Variants in SLC38A10 observed in about 807,000 individuals in gnomAD.
The protein encoded by SLC38A10 is Sodium-coupled neutral amino acid transporter 10.
In SLC38A10, 53 loss-of-function variants were observed where a neutral mutation model predicts 81.0. The ratio of observed to expected loss-of-function variants is 0.65; its 90% CI spans 0.53 to 0.82. The LOEUF (loss-of-function observed/expected upper bound fraction) is 0.82, where lower values mean the gene tolerates loss of function less well. SLC38A10 is among the 40% of genes least tolerant of loss of function. The pLI, the probability that SLC38A10 is intolerant of heterozygous loss-of-function variation, is 0.00. For synonymous variants in SLC38A10, 665 were observed against 655.3 expected (o/e 1.01, Z -0.23); for missense variants, 1,471 against 1,545.0 (o/e 0.95, Z 0.80).
rs907197185 is a variant in SLC38A10, at chr17:81,288,514, C to T, written c.217+1177G>A. 4.6e-5 allele frequency among the ~76,000 whole-genome samples: 7 copies of T among 152,160 alleles called. No homozygotes were observed. Among genetic ancestry groups the T allele is most frequent in the East Asian group, 3.9e-4 (2 of 5,192 alleles). The stretch of plus-strand genomic sequence containing the variant: ...AATGGAACGTGGAGCCGAGAGGTGC[C>T]GAGCCTGTGGCGGGCAGGGAGACAG... On this transcript the variant is annotated intron_variant, in intron 2 of 15. Coordinates refer to ENST00000374759, the MANE Select transcript of SLC38A10 (RefSeq NM_001037984.3). This position sits in a 1 kb window ranked among gnomAD's most constrained non-coding sequence, Gnocchi z 5.4.
At chr17:81,266,178 G>A (rs769516875) in intron 10 of SLC38A10, among the ~76,000 whole-genome samples, 7 of 152,224 alleles carry the variant, frequency 4.6e-5, no homozygotes, top group East Asian at 1.9e-4. Flanking sequence ...AGGAGGAAGC[G>A]CTGCAGCAAT....
chr17:81,294,431 G>A (rs1372735053), intron 1 of SLC38A10, among the ~76,000 whole-genome samples: 3 of 152,218 alleles, frequency 2.0e-5, no homozygotes, highest in Non-Finnish European at 4.4e-5. Context: ...CGAAGCCTGG[G>A]AGTGGTGAGT....
Position 81,280,700 on chromosome 17 carries a change from T to G in SLC38A10, c.535A>C (p.Ser179Arg). Residue 179 changes from serine to arginine, a missense_variant, in exon 6 of 16, where the codon AGT becomes CGT. By Grantham distance (110) the Ser-to-Arg change is moderately radical. Around this residue, in one of 2 missense-constraint regions of SLC38A10, gnomAD observed 720 missense variants for 827.7 expected, o/e 0.87. Coordinates refer to ENST00000374759, the MANE Select transcript of SLC38A10 (RefSeq NM_001037984.3). ...VLSSLKHGLFSGQWLRRVSYV... is the reference protein window; with the variant it reads ...VLSSLKHGLFRGQWLRRVSYV... ...CTGACCCGCCGCAGCCACTGCCCACTGAAGAGGCCGTGCTTGAGAGAGGAG... is the reference window on the plus strand; with the variant it reads ...CTGACCCGCCGCAGCCACTGCCCACGGAAGAGGCCGTGCTTGAGAGAGGAG... 1 of 1,613,622 alleles carries G rather than the reference T, an allele frequency of 6.2e-7. No individual in the cohort carries two copies. Among genetic ancestry groups the G allele is most frequent in the Non-Finnish European group, 8.5e-7 (1 of 1,179,942 alleles).
rs1015645023 is a variant in SLC38A10 at position 81,286,989 on chromosome 17, T to G, written c.218-2094A>C. 2.0e-5 allele frequency among the ~76,000 whole-genome samples: 3 copies of G among 152,308 alleles called. No homozygotes were observed. In the South Asian group the frequency reaches 6.2e-4, roughly 32 times the overall value. ...CAGCTGAAGGAGGCTGAATGACTGA[T>G]GTATCTGTGTGTCTTCTGAAGAGGG... On this transcript the variant is annotated intron_variant, in intron 2 of 15. Transcript: ENST00000374759. This position sits in a 1 kb window ranked among gnomAD's most constrained non-coding sequence, Gnocchi z 6.0.
At chr17:81,267,885 CAGACA>C (rs1185882731) in intron 10 of SLC38A10, among the ~76,000 whole-genome samples, 4 of 151,656 alleles carry the variant, frequency 2.6e-5, no homozygotes, top group Non-Finnish European at 5.9e-5. Flanking sequence ...TGGGACTAAG[CAGACA>C]AGACAAGAGA....
At chr17:81,274,148 G>A (rs538976150) in intron 8 of SLC38A10, among the ~76,000 whole-genome samples, 17 of 152,368 alleles carry the variant, frequency 1.1e-4, no homozygotes, top group Non-Finnish European at 2.1e-4. Flanking sequence ...CCAGATGCGC[G>A]GAGGGACCCC....
At position 81,287,302 on chromosome 17, in the gene SLC38A10, C is replaced by A. The variant is rs1265521548; in HGVS notation, c.217+2389G>T. On this transcript the variant is annotated intron_variant, in intron 2 of 15. Transcript: ENST00000374759. ...GCAGATGCCATTCGGAGGAAACCAC[C>A]CAGCCGTCCCAGGGAAAGTCAGTCT... is the stretch of plus-strand genomic sequence containing the variant. Among the ~76,000 whole-genome samples the A allele has an allele frequency of 9.2e-5, 14 of 152,310 alleles. No homozygotes were observed. The South Asian group carries it at 1.7e-3, about 18-fold the overall frequency.
intron 3 of SLC38A10, among the ~76,000 whole-genome samples, chr17:81,284,041 C>T (rs928792234): frequency 6.6e-6 from 1 of 151,850 alleles, no homozygotes; most frequent in African/African-American, 2.4e-5. Context: ...CGCCCCTCTG[C>T]GGAGGCTCTA....
rs757674128 is a variant in SLC38A10, at chr17:81,283,156, G to A, written c.357+253C>T. Reference sequence around the variant, plus strand: ...CAGAGACTTGCTCTGCACTGTGCCCGGGTCTGAGGCTCCCCCACCCGCCCC... The same window carrying A: ...CAGAGACTTGCTCTGCACTGTGCCCAGGTCTGAGGCTCCCCCACCCGCCCC... On this transcript the variant is annotated intron_variant, in intron 4 of 15. Coordinates refer to ENST00000374759, the MANE Select transcript of SLC38A10 (RefSeq NM_001037984.3). This position sits in a 1 kb window ranked among gnomAD's most constrained non-coding sequence, Gnocchi z 4.7. Among the ~76,000 whole-genome samples, 5 of 152,162 alleles carry A rather than the reference G, an allele frequency of 3.3e-5. No individual in the cohort carries two copies. The highest frequency in any genetic ancestry group is 4.8e-5 in the African/African-American group (2 of 41,440).
rs945084956 is a variant in SLC38A10, at chr17:81,283,766, C to T, written c.264-264G>A. Among the ~76,000 whole-genome samples the T allele has an allele frequency of 2.6e-5, 4 of 151,782 alleles. No individual in the cohort carries two copies. The highest frequency in any genetic ancestry group is 4.8e-5 in the African/African-American group (2 of 41,348). ...GTAGCTGGGAGTAGCCGAGTAGCCA[C>T]GCCCGGCTAATTGTTTGTATTTTTA... On this transcript the variant is annotated intron_variant, in intron 3 of 15. Transcript: ENST00000374759. This position sits in a 1 kb window ranked among gnomAD's most constrained non-coding sequence, Gnocchi z 4.7.
chr17:81,289,919 T>A lies in SLC38A10; in HGVS notation c.100-111A>T. 1 of 822,564 alleles carries A rather than the reference T, an allele frequency of 1.2e-6. No homozygotes were observed. The highest frequency in any genetic ancestry group is 1.8e-6 in the Non-Finnish European group (1 of 549,600). 51.0% of individuals were successfully genotyped at this position (822,564 alleles called of 1,614,324 possible). On this transcript the variant is annotated intron_variant, in intron 1 of 15. Transcript: ENST00000374759. The surrounding 1 kb of genome is among the most constrained non-coding windows in gnomAD (Gnocchi z 5.9). ...CTCTTCACCCCCAGGCCCCGCTCCA[T>A]CCCAGTCTCCTGCCGAACGCGACAC...
chr17:81,283,418 G>A lies in SLC38A10; in HGVS notation c.348C>T (p.Phe116=), dbSNP rs1481590587. The change falls in exon 4 of 16, where the codon TTC becomes TTT. Residue 116 remains phenylalanine (F), a synonymous_variant. Transcript: ENST00000374759. This position sits in a 1 kb window ranked among gnomAD's most constrained non-coding sequence, Gnocchi z 4.7. ...DLGSNFFARL[F]GFQVGGTFRM... ...CTGAACACATCCTTACCTGAAACCC[G>A]AACAGCCGGGCAAAGAAGTTGGACC... 8 of 1,611,394 alleles carry A rather than the reference G, an allele frequency of 5.0e-6. No homozygotes were observed. The highest frequency in any genetic ancestry group is 2.7e-5 in the African/African-American group (2 of 74,808).
chr17:81,294,083 G>A (rs1430048943), intron 1 of SLC38A10, among the ~76,000 whole-genome samples: 5 of 152,228 alleles, frequency 3.3e-5, no homozygotes, highest in Non-Finnish European at 5.9e-5. Flanking sequence ...GCGTGATCTC[G>A]GCTCACTGCA....
intron 1 of SLC38A10, among the ~76,000 whole-genome samples, 157 bp downstream of exon 1, chr17:81,294,666 G>A (rs541937688): frequency 1.1e-4 from 16 of 152,354 alleles, no homozygotes; most frequent in South Asian, 4.1e-4. Flanking sequence ...TTCTCTACGG[G>A]AACTGCGCCG....
chr17:81,248,106 C>T lies in SLC38A10; in HGVS notation c.2066-1045G>A, dbSNP rs892359796. On this transcript the variant is annotated intron_variant, in intron 14 of 15. Coordinates refer to ENST00000374759, the MANE Select transcript of SLC38A10 (RefSeq NM_001037984.3). Reference sequence around the variant, plus strand: ...CCGAGTAGCTGGGACTACAGACGCCCGCCACCGCGCCCGGCTAATGTTTTG... The same window carrying T: ...CCGAGTAGCTGGGACTACAGACGCCTGCCACCGCGCCCGGCTAATGTTTTG... 4.6e-5 allele frequency among the ~76,000 whole-genome samples: 7 copies of T among 151,836 alleles called. No individual in the cohort carries two copies. In the South Asian group the frequency reaches 6.2e-4, roughly 14 times the overall value.
chr17:81,251,502 G>A lies in SLC38A10; in HGVS notation c.2056C>T (p.Gln686Ter). The A allele has an allele frequency of 6.2e-7, 1 of 1,600,048 alleles. No individual in the cohort carries two copies. The highest frequency in any genetic ancestry group is 8.5e-7 in the Non-Finnish European group (1 of 1,175,798). Residue 686 changes from glutamine to a stop codon, truncating the protein, a stop_gained, in exon 14 of 16, where the codon CAG becomes TAG. Coordinates refer to ENST00000374759, the MANE Select transcript of SLC38A10 (RefSeq NM_001037984.3). LOFTEE classifies it high-confidence loss of function. Reference sequence around the variant, plus strand: ...AGGGCGGAGGCCTTACCCTCCAGCTGGCTGGCCGCCTGGTTTCCACCCGCT... The same window carrying A: ...AGGGCGGAGGCCTTACCCTCCAGCTAGCTGGCCGCCTGGTTTCCACCCGCT... ...ERAGGNQAAS[Q>*]LEEAGRAEML...
chr17:81,246,102 T>C lies in SLC38A10; in HGVS notation c.2814A>G (p.Ala938=). ...PKQVSRDLGL[A]ADLPGGAEGA... is the part of the protein sequence containing the mutation. ...CTTCCGCCCCACCGGGCAGGTCCGC[T>C]GCAAGGCCCAGGTCTCGGCTCACTT... The change falls in exon 16 of 16, where the codon GCA becomes GCG. Residue 938 remains alanine, a synonymous_variant. Coordinates refer to ENST00000374759, the MANE Select transcript of SLC38A10 (RefSeq NM_001037984.3). The C allele has an allele frequency of 1.2e-6, 2 of 1,608,810 alleles. No individual in the cohort carries two copies. The highest frequency in any genetic ancestry group is 4.5e-5 in the East Asian group (2 of 44,850).
At chr17:81,282,154 C>T in intron 5 of SLC38A10, 35 bp downstream of exon 5, 1 of 1,609,422 alleles carries the variant, frequency 6.2e-7, no homozygotes, top group Non-Finnish European at 8.5e-7. Context: ...CAGGAGCAGC[C>T]TTTCAGCGGG....
rs1342474425 is a variant in SLC38A10 at position 81,286,431 on chromosome 17, C to G, written c.218-1536G>C. On this transcript the variant is annotated intron_variant, in intron 2 of 15. Coordinates refer to ENST00000374759, the MANE Select transcript of SLC38A10 (RefSeq NM_001037984.3). The surrounding 1 kb of genome is among the most constrained non-coding windows in gnomAD (Gnocchi z 6.0). ...GGCCCCACGCGCCTTCTTTTCCCCA[C>G]CTGGGCCAAACCCTCACCCGCCATT... is the stretch of plus-strand genomic sequence containing the variant. 6.6e-6 allele frequency among the ~76,000 whole-genome samples: 1 copy of G among 152,212 alleles called. No homozygotes were observed. Among genetic ancestry groups the G allele is most frequent in the Non-Finnish European group, 1.5e-5 (1 of 68,036 alleles).
Sources: gnomAD v4.1 joint callset for allele counts (sites outside exome capture counted in the v4.1 genomes callset) on GRCh38, gnomAD v4.1.1 for gene constraint, gnomAD v4.1.1 regional missense constraint, Gnocchi (gnomAD v3.1) non-coding constraint, MANE v1.5 for transcripts, NCBI Gene and HGNC (gene_info 2026-07-23, HGNC 2026-07-21) for gene names.